Variants in ELP3 observed in about 807,000 individuals in gnomAD.
The protein encoded by ELP3 is elongator acetyltransferase complex subunit 3, also known as elongator complex protein 3.
Under a neutral mutation model 74.9 loss-of-function variants are expected in ELP3, and 56 were observed. The observed-to-expected ratio is 0.75, with a 90% CI of 0.60 to 0.93. The LOEUF is 0.93. ELP3 is among the 40% of genes least tolerant of loss of function. The pLI is 0.00. For synonymous variants in ELP3, 222 were observed against 239.8 expected (o/e 0.93, Z 0.68); for missense variants, 573 against 686.5 (o/e 0.83, Z 1.85).
chr8:28,171,932 T>C (rs1814545918), intron 14 of ELP3, among the ~76,000 whole-genome samples: 1 of 152,178 alleles, frequency 6.6e-6, no homozygotes, highest in Non-Finnish European at 1.5e-5. Flanking sequence ...TCCCATTGAA[T>C]GCTCTTGACA....
intron 10 of ELP3, among the ~76,000 whole-genome samples, chr8:28,140,888 A>G (rs574126662): frequency 6.6e-6 from 1 of 152,348 alleles, no homozygotes; most frequent in African/African-American, 2.4e-5. Flanking sequence ...TCATGAATCA[A>G]CAATATATAT....
intron 14 of ELP3, among the ~76,000 whole-genome samples, chr8:28,163,369 G>GT (rs200351700): frequency 1.3e-5 from 2 of 151,754 alleles, no homozygotes; most frequent in Admixed American, 6.6e-5. Context: ...TTGAAATGAG[G>GT]TTTTTTAAAA....
At chr8:28,121,501 G>A (rs1243348181) in intron 7 of ELP3, among the ~76,000 whole-genome samples, 2 of 151,580 alleles carry the variant, frequency 1.3e-5, no homozygotes, top group African/African-American at 4.8e-5. Flanking sequence ...TGTATTTTTA[G>A]TAGAGATGGG....
At chr8:28,100,416 A>G (rs767830593) in intron 3 of ELP3, among the ~76,000 whole-genome samples, 1 of 152,248 alleles carries the variant, frequency 6.6e-6, no homozygotes, top group Non-Finnish European at 1.5e-5. Context: ...TAGAAAGCAC[A>G]CAGCTTGCTT....
intron 1 of ELP3, among the ~76,000 whole-genome samples, chr8:28,094,580 G>T (rs1466275876): frequency 6.6e-6 from 1 of 152,038 alleles, no homozygotes; most frequent in Non-Finnish European, 1.5e-5. Context: ...TTAGCCGGGC[G>T]TGGTGGCAGG....
chr8:28,122,817 AG>A (rs1812425156), intron 7 of ELP3, among the ~76,000 whole-genome samples: 1 of 151,790 alleles, frequency 6.6e-6, no homozygotes, highest in South Asian at 2.1e-4. Context: ...TTCTTTTTCT[AG>A]TGATTTAATA....
upstream of ELP3, chr8:28,090,491 G>A: frequency 4.5e-6 from 1 of 221,914 alleles, no homozygotes; most frequent in Non-Finnish European, 8.9e-6. Flanking sequence ...GGGTGTGTGT[G>A]TGTGTGTGTG....
intron 14 of ELP3, among the ~76,000 whole-genome samples, chr8:28,184,668 CA>C (rs1416546578): frequency 6.6e-6 from 1 of 152,168 alleles, no homozygotes; most frequent in East Asian, 1.9e-4. Flanking sequence ...TTATGGTAGA[CA>C]AATATAGGTT....
chr8:28,116,327 G>C (rs1812131769), intron 7 of ELP3, among the ~76,000 whole-genome samples: 1 of 152,140 alleles, frequency 6.6e-6, no homozygotes, highest in Non-Finnish European at 1.5e-5. Flanking sequence ...TTGACTCTAG[G>C]GAATGCAACA....
At chr8:28,144,229 C>T (rs560272839) in intron 10 of ELP3, among the ~76,000 whole-genome samples, 1 of 152,270 alleles carries the variant, frequency 6.6e-6, no homozygotes, top group East Asian at 1.9e-4. Flanking sequence ...ACCAAGAGGC[C>T]ACATTCATGT....
At position 28,132,437 on chromosome 8, in the gene ELP3, T is replaced by A. The variant is rs945328548; in HGVS notation, c.906+33T>A. 3 of 1,613,518 alleles carry A rather than the reference T, an allele frequency of 1.9e-6. No homozygotes were observed. In the Admixed American group the frequency reaches 5.0e-5, roughly 27 times the overall value. ...TGACTTCAGCCAGGCGCATTCAGAA[T>A]GGCTCTGCATGTTTCTTATCCCATC... On this transcript the variant is annotated intron_variant, in intron 9 of 14. Transcript: ENST00000256398.
intron 4 of ELP3, among the ~76,000 whole-genome samples, chr8:28,107,528 G>A (rs919947269): frequency 6.6e-6 from 1 of 152,172 alleles, no homozygotes. Context: ...AGAATTAGCG[G>A]AAGAGTTTGC....
intron 14 of ELP3, among the ~76,000 whole-genome samples, chr8:28,187,247 T>C (rs1815277072): frequency 6.6e-6 from 1 of 152,164 alleles, no homozygotes; most frequent in African/African-American, 2.4e-5. Flanking sequence ...GCCACCACCA[T>C]CTCCCACCTG....
chr8:28,106,354 A>G (rs1417455508), intron 3 of ELP3, among the ~76,000 whole-genome samples: 1 of 151,548 alleles, frequency 6.6e-6, no homozygotes, highest in Non-Finnish European at 1.5e-5. Flanking sequence ...TCCCGGCTAA[A>G]ACGGTGAAAC....
At chr8:28,118,017 G>A (rs1450738458) in intron 7 of ELP3, among the ~76,000 whole-genome samples, 1 of 152,180 alleles carries the variant, frequency 6.6e-6, no homozygotes, top group African/African-American at 2.4e-5. Flanking sequence ...CAGAGTCTAT[G>A]AGTGAAAACT....
rs190950615 is a variant in ELP3, at chr8:28,156,050, G to A, written c.1191+18G>A. On this transcript the variant is annotated intron_variant, in intron 11 of 14. Coordinates refer to ENST00000256398, the MANE Select transcript of ELP3 (RefSeq NM_018091.6). ...GAATACAGGTAAGAGCAAATATGGC[G>A]GTCAGGCCACAACTGTTGAGAAAAA... 40 of 1,598,392 alleles carry A rather than the reference G, an allele frequency of 2.5e-5. 1 individual carries two copies. Among genetic ancestry groups the A allele is most frequent in the South Asian group, 2.3e-4 (21 of 90,606 alleles).
intron 14 of ELP3, among the ~76,000 whole-genome samples, chr8:28,172,540 G>A (rs2130583275): frequency 6.6e-6 from 1 of 152,108 alleles, no homozygotes; most frequent in South Asian, 2.1e-4. Context: ...CAATAATATT[G>A]TATGTGTGTG....
At chr8:28,172,827 A>G (rs1814584515) in intron 14 of ELP3, among the ~76,000 whole-genome samples, 2 of 151,982 alleles carry the variant, frequency 1.3e-5, no homozygotes, top group African/African-American at 4.8e-5. Context: ...ATGCTAATGT[A>G]TTGGGTGTTT....
intron 14 of ELP3, among the ~76,000 whole-genome samples, chr8:28,170,393 G>A (rs1814471746): frequency 1.3e-5 from 2 of 152,104 alleles, no homozygotes; most frequent in Admixed American, 6.5e-5. Context: ...GTCAAGCATG[G>A]CAACACAATC....
Sources: gnomAD v4.1 joint callset for allele counts (sites outside exome capture counted in the v4.1 genomes callset) on GRCh38, gnomAD v4.1.1 for gene constraint, MANE v1.5 for transcripts, NCBI Gene and HGNC (gene_info 2026-07-23, HGNC 2026-07-21) for gene names.